BCAP29: variants seen among roughly 807,000 people sequenced by gnomAD.
BCAP29 encodes B cell receptor associated protein 29.
In BCAP29, 34 loss-of-function variants were observed where a neutral mutation model predicts 31.8. That is an observed-to-expected ratio of 1.07 (90% confidence interval 0.81 to 1.42). The LOEUF is 1.42. Among genes scored for constraint, BCAP29 ranks in the 40% most tolerant of loss-of-function variants. BCAP29 has a pLI of 0.00. For synonymous variants in BCAP29, 104 were observed against 91.3 expected (o/e 1.14, Z -0.79); for missense variants, 314 against 269.2 (o/e 1.17, Z -1.16).
chr7:107,585,975 G>C (rs1807598117), intron 3 of BCAP29, among the ~76,000 whole-genome samples: 1 of 151,940 alleles, frequency 6.6e-6, no homozygotes, highest in Non-Finnish European at 1.5e-5. Flanking sequence ...TGGGTGACAA[G>C]AGTGAAACTC....
chr7:107,594,935 C>T (rs1345154015), intron 4 of BCAP29, among the ~76,000 whole-genome samples: 1 of 152,208 alleles, frequency 6.6e-6, no homozygotes, highest in Non-Finnish European at 1.5e-5. Context: ...TCTTTGGAGC[C>T]TTGTCTCATA....
intron 7 of BCAP29, among the ~76,000 whole-genome samples, chr7:107,614,050 T>A (rs886594015): frequency 3.9e-5 from 6 of 152,196 alleles, no homozygotes; most frequent in African/African-American, 1.4e-4. Flanking sequence ...TAACCTGAAT[T>A]GATTTCTCAG....
At chr7:107,588,772 A>G (rs115197894) in intron 3 of BCAP29, among the ~76,000 whole-genome samples, 2,163 of 152,342 alleles carry the variant, frequency 0.014, 51 homozygotes, top group African/African-American at 0.05. Context: ...TGTCTAAGAA[A>G]GGAGAGAACC....
chr7:107,595,853 G>A lies in BCAP29; in HGVS notation c.345-14G>A, dbSNP rs765270927. On this transcript the variant is annotated splice_polypyrimidine_tract_variant and intron_variant, in intron 4 of 7. Transcript: ENST00000005259. ...GATTGGCCAGTAATACATTATTCTG[G>A]TTTTTTTTCTTAGAGTTTTGAGACG... is the stretch of plus-strand genomic sequence containing the variant. 2 of 1,589,268 alleles carry A rather than the reference G, an allele frequency of 1.3e-6. No individual in the cohort carries two copies. The highest frequency in any genetic ancestry group is 2.3e-5 in the East Asian group (1 of 44,008).
intron 7 of BCAP29, among the ~76,000 whole-genome samples, chr7:107,616,580 G>A (rs1814190092): frequency 6.6e-6 from 1 of 152,114 alleles, no homozygotes; most frequent in South Asian, 2.1e-4. Flanking sequence ...ACCAGATCCT[G>A]TATAAGAAAG....
At chr7:107,587,324 T>G (rs1287439683) in intron 3 of BCAP29, 2 of 152,338 alleles carry the variant, frequency 1.3e-5, no homozygotes, top group Non-Finnish European at 2.9e-5. Flanking sequence ...AGTTACCTTT[T>G]TAGTATACAG....
intron 3 of BCAP29, chr7:107,588,084 T>A (rs1287648722): frequency 6.6e-6 from 1 of 152,208 alleles, no homozygotes; most frequent in East Asian, 1.9e-4. Flanking sequence ...GGGTACATTT[T>A]AAGAACCAAG....
chr7:107,582,375 C>T (rs758891959), intron 2 of BCAP29, among the ~76,000 whole-genome samples: 5 of 152,140 alleles, frequency 3.3e-5, no homozygotes, highest in South Asian at 2.1e-4. Context: ...TATGTATGCA[C>T]GCAGATCATT....
At chr7:107,582,827 G>A (rs1806941676) in intron 2 of BCAP29, among the ~76,000 whole-genome samples, 1 of 151,960 alleles carries the variant, frequency 6.6e-6, no homozygotes, top group South Asian at 2.1e-4. Context: ...CTAGATCAAG[G>A]TATTACCACT....
chr7:107,622,617 G>A (rs1815075227), downstream of BCAP29: 2 of 152,230 alleles, frequency 1.3e-5, no homozygotes, highest in Non-Finnish European at 2.9e-5. Flanking sequence ...TGTCTCCTCA[G>A]TGATTAACAC....
intron 3 of BCAP29, among the ~76,000 whole-genome samples, chr7:107,588,225 A>G (rs1448304566): frequency 2.0e-5 from 3 of 152,208 alleles, no homozygotes; most frequent in African/African-American, 7.2e-5. Flanking sequence ...TCAGGAATAG[A>G]TATGGCATAC....
In BCAP29 at chr7:107,593,933, G is replaced by GT. The variant is rs1288486980; in HGVS notation, c.194-18dup. 3 of 1,565,856 alleles carry GT rather than the reference G, an allele frequency of 1.9e-6. No individual in the cohort carries two copies. In the African/African-American group the frequency reaches 4.1e-5, roughly 22 times the overall value. ...TATATTCGTAAAAGCCAAAAGTACT[G>GT]TTTTCTTTTGTTCTGTAATAGATGC... On this transcript the variant is annotated intron_variant, in intron 3 of 7. Transcript: ENST00000005259.
intron 7 of BCAP29, among the ~76,000 whole-genome samples, chr7:107,614,870 C>A (rs1305170351): frequency 6.6e-6 from 1 of 152,208 alleles, no homozygotes; most frequent in Non-Finnish European, 1.5e-5. Flanking sequence ...AAATTGCTGA[C>A]CTCATTGGGG....
chr7:107,584,376 A>G (rs1226664993), intron 3 of BCAP29, among the ~76,000 whole-genome samples: 1 of 152,226 alleles, frequency 6.6e-6, no homozygotes, highest in Non-Finnish European at 1.5e-5. Flanking sequence ...GGCTCTCCAA[A>G]GGAGTCTTAG....
At chr7:107,587,853 A>G (rs535971802) in intron 3 of BCAP29, 3 of 152,140 alleles carry the variant, frequency 2.0e-5, no homozygotes, top group Admixed American at 6.5e-5. Flanking sequence ...AGATAGTTTT[A>G]TAAGAAACCC....
At chr7:107,621,234 C>G (rs1334719358), downstream of BCAP29, 2 of 161,330 alleles carry the variant, frequency 1.2e-5, no homozygotes, top group Admixed American at 6.2e-5. Context: ...TAAGCATTGA[C>G]TTTAATGTCT....
chr7:107,615,548 A>G, intron 7 of BCAP29: 1 of 300,038 alleles, frequency 3.3e-6, no homozygotes, highest in African/African-American at 2.2e-5. Context: ...GTGAGCCGAG[A>G]TCGCGCTTTT....
At chr7:107,600,106 C>T in intron 5 of BCAP29, 1 of 353,856 alleles carries the variant, frequency 2.8e-6, no homozygotes, top group Non-Finnish European at 5.4e-6. Context: ...GGAAGAAAGA[C>T]TGACGTTATT....
At chr7:107,586,577 A>C (rs918452500) in intron 3 of BCAP29, among the ~76,000 whole-genome samples, 2 of 152,168 alleles carry the variant, frequency 1.3e-5, no homozygotes, top group Admixed American at 6.5e-5. Flanking sequence ...GCAGAGTCTG[A>C]TGTTCGAGTC....
Sources: allele counts gnomAD v4.1 joint callset (sites outside exome capture counted in the v4.1 genomes callset), GRCh38; gene constraint gnomAD v4.1.1; transcripts MANE v1.5; gene names NCBI Gene and HGNC (gene_info 2026-07-23, HGNC 2026-07-21).